ING3: variants seen among roughly 807,000 people sequenced by gnomAD.
ING3 encodes inhibitor of growth protein 3.
In ING3, 6 loss-of-function variants were observed where a neutral mutation model predicts 64.8. The observed-to-expected ratio is 0.09, with a 90% CI of 0.05 to 0.18. The LOEUF (loss-of-function observed/expected upper bound fraction) is 0.18, where lower values mean the gene tolerates loss of function less well. Ranked by LOEUF, ING3 falls within the 10% of genes least tolerant of loss-of-function variation. The pLI, the probability that ING3 is intolerant of heterozygous loss-of-function variation, is 1.00. For synonymous variants in ING3, 170 were observed against 173.7 expected, an observed-to-expected ratio of 0.98 and a Z score of 0.17; for missense variants, 310 against 489.7, an observed-to-expected ratio of 0.63 and a Z score of 3.46.
rs747094497 is a variant in ING3 at position 120,953,283 on chromosome 7, A to AT, written c.101-13dup. ...ATATGAATTTGGTCATTTAATATGA[A>AT]TTTTTTTTATTATGTCATAGATGCA... On this transcript the variant is annotated intron_variant, in intron 2 of 11. Transcript: ENST00000315870. The AT allele has an allele frequency of 2.8e-5, 41 of 1,456,014 alleles. No individual in the cohort carries two copies. In the East Asian group the frequency reaches 3.5e-4, roughly 12 times the overall value. The allele number at this position is 1,456,014 out of a possible 1,614,324, so 90.2% of individuals were successfully genotyped here. A position where few individuals can be genotyped will look rare whatever the true frequency, so the allele number is the denominator to read the frequency against.
chr7:120,968,368 A>G (rs1796024581), intron 8 of ING3, among the ~76,000 whole-genome samples: 1 of 152,194 alleles, frequency 6.6e-6, no homozygotes, highest in South Asian at 2.1e-4. Flanking sequence ...ACTGCAGTCC[A>G]CAGCACATGC....
At position 120,950,893 on chromosome 7, in the gene ING3, C is replaced by T. The variant is rs1194486312; in HGVS notation, c.-4C>T. 6.2e-7 allele frequency: 1 copy of T among 1,613,498 alleles called. No individual in the cohort carries two copies. The highest frequency in any genetic ancestry group is 1.7e-5 in the Admixed American group (1 of 59,970). The stretch of plus-strand genomic sequence containing the variant: ...CCCTTGTTCCCTCAGCTCTAAGGGC[C>T]GCGATGTTGTACCTAGAAGACTATC... On this transcript the variant is annotated 5_prime_UTR_variant, in exon 1 of 12. Coordinates refer to ENST00000315870, the MANE Select transcript of ING3 (RefSeq NM_019071.3).
chr7:120,970,396 T>C (rs1349185966), intron 9 of ING3, among the ~76,000 whole-genome samples: 1 of 147,910 alleles, frequency 6.8e-6, no homozygotes, highest in Non-Finnish European at 1.5e-5. Context: ...ACCTGGGAGG[T>C]GGAGCTTGCG....
At chr7:120,972,951 A>G (rs927759020) in intron 10 of ING3, among the ~76,000 whole-genome samples, 1 of 152,206 alleles carries the variant, frequency 6.6e-6, no homozygotes, top group Non-Finnish European at 1.5e-5. Flanking sequence ...TGACTCCTTC[A>G]TCCGGGTGAT....
intron 4 of ING3, among the ~76,000 whole-genome samples, chr7:120,957,754 G>A (rs1246491384): frequency 6.6e-6 from 1 of 152,146 alleles, no homozygotes; most frequent in Non-Finnish European, 1.5e-5. Context: ...TAATAAAGGC[G>A]AGGTAGTAAA....
chr7:120,968,969 A>C, intron 8 of ING3, 42 bp from the exon 9 acceptor site: 3 of 1,215,128 alleles, frequency 2.5e-6, no homozygotes, highest in Admixed American at 4.9e-5. Context: ...GAAAATCTAC[A>C]TATTTACATA....
In ING3 at chr7:120,975,568, T is replaced by C. The variant is rs1223681822; in HGVS notation, c.*724T>C. Reference sequence around the variant, plus strand: ...GGGGAAAGGGCGTTAAAGTGATACATTTTTATACCAAATGTGTTTATTTTT... The same window carrying C: ...GGGGAAAGGGCGTTAAAGTGATACACTTTTATACCAAATGTGTTTATTTTT... On this transcript the variant is annotated 3_prime_UTR_variant, in exon 12 of 12. Coordinates refer to ENST00000315870, the MANE Select transcript of ING3 (RefSeq NM_019071.3). 2 of 152,176 alleles carry C rather than the reference T, an allele frequency of 1.3e-5. No individual in the cohort carries two copies. The highest frequency in any genetic ancestry group is 2.9e-5 in the Non-Finnish European group (2 of 68,010). The allele number at this position is 152,176 out of a possible 1,614,324, so 9.4% of individuals were successfully genotyped here.
At chr7:120,957,371 TAAA>T (rs35872651) in intron 4 of ING3, among the ~76,000 whole-genome samples, 2 of 139,260 alleles carry the variant, frequency 1.4e-5, no homozygotes, top group Non-Finnish European at 1.6e-5. Flanking sequence ...GACTCTGTCT[TAAA>T]AAAAAAAAAA....
chr7:120,959,665 AGAC>A (rs1352034892), intron 4 of ING3, among the ~76,000 whole-genome samples: 1 of 34,960 alleles, frequency 2.9e-5, no homozygotes, highest in Non-Finnish European at 6.1e-5. Flanking sequence ...TTTTTTTTTG[AGAC>A]GGAGTCTCAC....
intron 11 of ING3, among the ~76,000 whole-genome samples, chr7:120,973,710 T>TA (rs1796098954): frequency 1.3e-5 from 2 of 152,194 alleles, no homozygotes; most frequent in African/African-American, 2.4e-5. Flanking sequence ...TGTCAGCTGA[T>TA]AAGAGCCACC....
rs1156356816 is a variant in ING3, at chr7:120,968,106, G to A, written c.714+15G>A. 2 of 1,604,100 alleles carry A rather than the reference G, an allele frequency of 1.2e-6. No individual in the cohort carries two copies. Among genetic ancestry groups the A allele is most frequent in the Non-Finnish European group, 1.7e-6 (2 of 1,175,412 alleles). On this transcript the variant is annotated intron_variant, in intron 8 of 11. Transcript: ENST00000315870. ...CTACAGCTCAGGTAAAAAGTAAAGG[G>A]TTTAGAGACAAAATGTTACATTTTG...
rs1224920566 is a variant in ING3 at position 120,950,869 on chromosome 7, C to T, written c.-28C>T. ...GTGACACAAATAAACCCCTGGACCC[C>T]CTTGTTCCCTCAGCTCTAAGGGCCG... is the stretch of plus-strand genomic sequence containing the variant. On this transcript the variant is annotated 5_prime_UTR_variant, in exon 1 of 12. Transcript: ENST00000315870. The T allele has an allele frequency of 6.2e-7, 1 of 1,613,676 alleles. No homozygotes were observed. Among genetic ancestry groups the T allele is most frequent in the South Asian group, 1.1e-5 (1 of 91,052 alleles).
At chr7:120,968,261 A>G (rs1796023297) in intron 8 of ING3, among the ~76,000 whole-genome samples, 170 bp downstream of exon 8, 1 of 152,222 alleles carries the variant, frequency 6.6e-6, no homozygotes, top group African/African-American at 2.4e-5. Context: ...ATACATAGGA[A>G]TTGCCTGATT....
Position 120,975,730 on chromosome 7 carries a change from A to G in ING3, c.*886A>G, listed in dbSNP as rs1055182830. On this transcript the variant is annotated 3_prime_UTR_variant, in exon 12 of 12. Transcript: ENST00000315870. ...AATTAACTTTCAACTTTCATAATCT[A>G]AAAAGAATCAGAGACCCAGGACACA... is the stretch of plus-strand genomic sequence containing the variant. 5.9e-5 allele frequency: 9 copies of G among 152,132 alleles called. No individual in the cohort carries two copies. The highest frequency in any genetic ancestry group is 1.4e-4 in the African/African-American group (6 of 41,436). 9.4% of individuals were successfully genotyped at this position (152,132 alleles called of 1,614,324 possible). A position where few individuals can be genotyped will look rare whatever the true frequency, so the allele number is the denominator to read the frequency against.
At chr7:120,963,854 T>C (rs1179023681) in intron 4 of ING3, among the ~76,000 whole-genome samples, 2 of 152,204 alleles carry the variant, frequency 1.3e-5, no homozygotes, top group Non-Finnish European at 2.9e-5. Flanking sequence ...AAGAAAGTTA[T>C]TTCTAATTCT....
chr7:120,975,068 A>G lies in ING3; in HGVS notation c.*224A>G. On this transcript the variant is annotated 3_prime_UTR_variant, in exon 12 of 12. Transcript: ENST00000315870. ...CCTGGTGTGCTATGAATATTATTCC[A>G]GTTAGCCTTGGATTATTTCAGTGGC... is the stretch of plus-strand genomic sequence containing the variant. 3.9e-6 allele frequency: 1 copy of G among 259,054 alleles called. No individual in the cohort carries two copies. The highest frequency in any genetic ancestry group is 7.5e-6 in the Non-Finnish European group (1 of 133,920). The allele number at this position is 259,054 out of a possible 1,614,324, so 16.0% of individuals were successfully genotyped here. A position where few individuals can be genotyped will look rare whatever the true frequency, so the allele number is the denominator to read the frequency against.
Position 120,969,608 on chromosome 7 carries a change from G to A in ING3, c.908+404G>A, listed in dbSNP as rs76413729. Among the ~76,000 whole-genome samples the A allele has an allele frequency of 2.6e-4, 40 of 151,816 alleles. 1 individual carries two copies. In the East Asian group the frequency reaches 7.3e-3, roughly 28 times the overall value. On this transcript the variant is annotated intron_variant, in intron 9 of 11. Transcript: ENST00000315870. ...ACAAGATTTTTCATTTTGATTAACA[G>A]CAAGCAAGGCGTCTTCATTCTTAGT...
chr7:120,975,390 G>T lies in ING3; in HGVS notation c.*546G>T, dbSNP rs1347145950. 1.3e-5 allele frequency: 2 copies of T among 152,034 alleles called. No homozygotes were observed. Among genetic ancestry groups the T allele is most frequent in the African/African-American group, 4.8e-5 (2 of 41,404 alleles). 9.4% of individuals were successfully genotyped at this position (152,034 alleles called of 1,614,324 possible). ...ACTAATTCAGCAGGCTGAAGGAAAT[G>T]GTTCATGTGATAATGTGGGCTGGTA... is the stretch of plus-strand genomic sequence containing the variant. On this transcript the variant is annotated 3_prime_UTR_variant, in exon 12 of 12. Transcript: ENST00000315870.
Position 120,967,845 on chromosome 7 carries a change from A to G in ING3, c.557-89A>G, listed in dbSNP as rs981030154. 38 of 1,384,366 alleles carry G rather than the reference A, an allele frequency of 2.7e-5. No homozygotes were observed. The African/African-American group carries it at 4.5e-4, about 16-fold the overall frequency. The allele number at this position is 1,384,366 out of a possible 1,614,324, so 85.8% of individuals were successfully genotyped here. On this transcript the variant is annotated intron_variant, in intron 7 of 11. Coordinates refer to ENST00000315870, the MANE Select transcript of ING3 (RefSeq NM_019071.3). ...AGTGACATTAAAAATTTTAATGATT[A>G]TATGTCTGTGCTGGGAAATAATGTA...
Sources: allele counts gnomAD v4.1 joint callset (sites outside exome capture counted in the v4.1 genomes callset), GRCh38; gene constraint gnomAD v4.1.1; transcripts MANE v1.5; gene names NCBI Gene and HGNC (gene_info 2026-07-23, HGNC 2026-07-21).